FARS2: variants seen among roughly 807,000 people sequenced by gnomAD.
FARS2 encodes the protein phenylalanine--tRNA ligase, mitochondrial.
FARS2 carries 40 observed loss-of-function variants against 46.4 expected under a neutral mutation model. The observed-to-expected ratio is 0.86, with a 90% CI of 0.67 to 1.12. The LOEUF (loss-of-function observed/expected upper bound fraction) is 1.12. FARS2 is among the 50% of genes most tolerant of loss of function. The pLI is 0.00. For synonymous variants in FARS2, 234 were observed against 214.9 expected (o/e 1.09, Z -0.78); for missense variants, 513 against 567.9 (o/e 0.90, Z 0.98).
intron 6 of FARS2, among the ~76,000 whole-genome samples, chr6:5,717,583 A>G (rs1456395091): frequency 6.6e-6 from 1 of 151,918 alleles, no homozygotes; most frequent in Non-Finnish European, 1.5e-5. Context: ...GATCAGATTT[A>G]AGTTCATTTG....
intron 4 of FARS2, among the ~76,000 whole-genome samples, chr6:5,488,607 C>G (rs1164402669): frequency 7.1e-6 from 1 of 140,718 alleles, no homozygotes; most frequent in Non-Finnish European, 1.6e-5. Context: ...CTGTAGATCT[C>G]TTTTGTGAAA....
intron 6 of FARS2, among the ~76,000 whole-genome samples, chr6:5,717,988 C>T (rs1030215359): frequency 1.0e-4 from 15 of 145,152 alleles, no homozygotes; most frequent in Admixed American, 2.1e-4. Flanking sequence ...GATCTCTGCT[C>T]ACTGCAACCT....
At chr6:5,385,390 GA>G (rs67325870) in intron 2 of FARS2, among the ~76,000 whole-genome samples, 2 of 151,770 alleles carry the variant, frequency 1.3e-5, no homozygotes, top group South Asian at 4.2e-4. Flanking sequence ...ATTTGGGGGA[GA>G]TGAAGGCTTG....
At chr6:5,383,240 A>G (rs1248837280) in intron 2 of FARS2, among the ~76,000 whole-genome samples, 2 of 152,232 alleles carry the variant, frequency 1.3e-5, no homozygotes, top group African/African-American at 4.8e-5. Flanking sequence ...CTAGTGTACC[A>G]CTTAGTCAAT....
At chr6:5,494,747 G>GA (rs1256852984) in intron 4 of FARS2, among the ~76,000 whole-genome samples, 2 of 152,080 alleles carry the variant, frequency 1.3e-5, no homozygotes, top group African/African-American at 4.8e-5. Context: ...CATGTTTGAG[G>GA]AACGAAACTT....
intron 3 of FARS2, among the ~76,000 whole-genome samples, chr6:5,420,523 T>C (rs910399627): frequency 6.6e-6 from 1 of 152,012 alleles, no homozygotes; most frequent in African/African-American, 2.4e-5. Flanking sequence ...ATGGGAGAAA[T>C]TGGCCAAAAC....
At chr6:5,680,608 T>G (rs1778983894) in intron 6 of FARS2, among the ~76,000 whole-genome samples, 1 of 152,226 alleles carries the variant, frequency 6.6e-6, no homozygotes, top group Non-Finnish European at 1.5e-5. Context: ...TTAGGCTGCT[T>G]CTAGAAAATT....
chr6:5,517,830 C>T (rs1768903006), intron 4 of FARS2, among the ~76,000 whole-genome samples: 1 of 152,024 alleles, frequency 6.6e-6, no homozygotes, highest in African/African-American at 2.4e-5. Flanking sequence ...GTAGCTAGAA[C>T]ATTTAAAAAA....
intron 6 of FARS2, among the ~76,000 whole-genome samples, chr6:5,736,036 C>T (rs1457522375): frequency 3.3e-5 from 5 of 152,166 alleles, no homozygotes; most frequent in South Asian, 2.1e-4. Flanking sequence ...TTCTGGCTGT[C>T]GATTTCTCAC....
chr6:5,443,285 G>C (rs1395162776), intron 4 of FARS2, among the ~76,000 whole-genome samples: 2 of 152,222 alleles, frequency 1.3e-5, no homozygotes, highest in Non-Finnish European at 2.9e-5. Flanking sequence ...GGATGGAAAA[G>C]AAATGGAATT....
rs148928916 is a variant in FARS2 at position 5,403,160 on chromosome 6, A to G, written c.613-1382A>G. Among the ~76,000 whole-genome samples the G allele has an allele frequency of 8.7e-3, 1,327 of 152,328 alleles. 9 individuals carry two copies. Among genetic ancestry groups the G allele is most frequent in the Non-Finnish European group, 0.014 (962 of 68,036 alleles). On this transcript the variant is annotated intron_variant, in intron 2 of 6. Transcript: ENST00000274680. ...ATAAGAATAATTTGAGGCCTAGGAT[A>G]TTAGAATATTTCTCTGAAAACGGTT...
At chr6:5,596,604 C>T (rs1299393729) in intron 5 of FARS2, among the ~76,000 whole-genome samples, 1 of 152,152 alleles carries the variant, frequency 6.6e-6, no homozygotes, top group East Asian at 1.9e-4. Context: ...AGCGACATTG[C>T]ATAGGATTTA....
At chr6:5,621,845 A>T (rs1449565873) in intron 6 of FARS2, among the ~76,000 whole-genome samples, 1 of 152,234 alleles carries the variant, frequency 6.6e-6, no homozygotes, top group East Asian at 1.9e-4. Context: ...GGAAGGTCTA[A>T]GGGCCAGAGA....
chr6:5,499,044 T>C (rs572751755), intron 4 of FARS2, among the ~76,000 whole-genome samples: 99 of 152,266 alleles, frequency 6.5e-4, no homozygotes, highest in African/African-American at 2.2e-3. Flanking sequence ...ATTACAGGCA[T>C]GCACCACCAC....
In FARS2 at chr6:5,544,871, A is replaced by G. The variant is rs192781036; in HGVS notation, c.905-309A>G. ...GCTAAATGTTTGAATCAGAGCAAGC[A>G]AAGACTACAGAAAAATCATAACTCA... On this transcript the variant is annotated intron_variant, in intron 4 of 6. Transcript: ENST00000274680. 1.1e-4 allele frequency among the ~76,000 whole-genome samples: 16 copies of G among 152,324 alleles called. 1 individual carries two copies. Among genetic ancestry groups the G allele is most frequent in the African/African-American group, 3.8e-4 (16 of 41,574 alleles).
chr6:5,612,824 A>G (rs942246438), intron 5 of FARS2, among the ~76,000 whole-genome samples: 2 of 152,208 alleles, frequency 1.3e-5, no homozygotes, highest in African/African-American at 2.4e-5. Context: ...AATGAATTGC[A>G]TGTTAATTAA....
chr6:5,602,800 C>G (rs1201129620), intron 5 of FARS2, among the ~76,000 whole-genome samples: 2 of 152,166 alleles, frequency 1.3e-5, no homozygotes, highest in East Asian at 3.9e-4. Flanking sequence ...CACTTTTTAC[C>G]CCTCCCCTCC....
intron 6 of FARS2, among the ~76,000 whole-genome samples, chr6:5,642,331 A>G (rs989868837): frequency 6.6e-6 from 1 of 152,220 alleles, no homozygotes; most frequent in Admixed American, 6.5e-5. Flanking sequence ...AGGACAATCC[A>G]TGGGAAGTGC....
At chr6:5,722,665 G>A (rs1404589225) in intron 6 of FARS2, among the ~76,000 whole-genome samples, 1 of 152,124 alleles carries the variant, frequency 6.6e-6, no homozygotes, top group Non-Finnish European at 1.5e-5. Context: ...GGCTGTCAAG[G>A]GCTACACTGA....
Sources: gnomAD v4.1 joint callset for allele counts (sites outside exome capture counted in the v4.1 genomes callset) on GRCh38, gnomAD v4.1.1 for gene constraint, MANE v1.5 for transcripts, NCBI Gene and HGNC (gene_info 2026-07-23, HGNC 2026-07-21) for gene names.